UBR2: variants seen among roughly 807,000 people sequenced by gnomAD.
UBR2 encodes E3 ubiquitin-protein ligase UBR2.
In UBR2, 92 loss-of-function variants were observed where a neutral mutation model predicts 247.9. That is an observed-to-expected ratio of 0.37 (90% CI 0.31 to 0.44). The LOEUF (loss-of-function observed/expected upper bound fraction) is 0.44. Among genes scored for constraint, UBR2 ranks in the 20% least tolerant of loss-of-function variants. The pLI, the probability that UBR2 is intolerant of heterozygous loss-of-function variation, is 1.00. For synonymous variants in UBR2, 672 were observed against 693.5 expected (o/e 0.97, Z 0.49); for missense variants, 1,613 against 2,112.6 (o/e 0.76, Z 4.64).
chr6:42,594,138 G>A, intron 3 of UBR2, 53 bp from the exon 4 acceptor site: 1 of 1,344,464 alleles, frequency 7.4e-7, no homozygotes. Context: ...TTTATTATCT[G>A]ATAGCCCTCA....
intron 15 of UBR2, among the ~76,000 whole-genome samples, chr6:42,640,004 G>T (rs112084225): frequency 0.015 from 2,251 of 152,268 alleles, 44 homozygotes; most frequent in African/African-American, 0.053. Flanking sequence ...CTCCAGCCGG[G>T]TGACAGAGCG....
At chr6:42,641,018 C>T (rs1796414885) in intron 16 of UBR2, among the ~76,000 whole-genome samples, 2 of 152,038 alleles carry the variant, frequency 1.3e-5, no homozygotes, top group Non-Finnish European at 2.9e-5. Context: ...TGCGAGCTAC[C>T]ATGCTCAGCC....
chr6:42,648,194 A>G (rs1259926004), intron 22 of UBR2, 24 bp downstream of exon 22: 2 of 1,603,698 alleles, frequency 1.2e-6, no homozygotes, highest in Non-Finnish European at 1.7e-6. Context: ...CTATTATTTC[A>G]CATTCTTTTT....
chr6:42,603,719 G>A lies in UBR2; in HGVS notation c.662+1G>A. 3 of 1,597,542 alleles carry A rather than the reference G, an allele frequency of 1.9e-6. No homozygotes were observed. Among genetic ancestry groups the A allele is most frequent in the Non-Finnish European group, 2.6e-6 (3 of 1,176,156 alleles). ...AATTGCCAGCAGATTTAGAGATGGT[G>A]TAAGTATAACCTGTTTATTCTTCAT... is the stretch of plus-strand genomic sequence containing the variant. On this transcript the variant is annotated splice_donor_variant, in intron 5 of 46. Coordinates refer to ENST00000372901, the MANE Select transcript of UBR2 (RefSeq NM_001363705.2). LOFTEE classifies it high-confidence loss of function.
intron 18 of UBR2, among the ~76,000 whole-genome samples, chr6:42,643,955 C>T (rs1034986859): frequency 1.3e-5 from 2 of 152,116 alleles, no homozygotes; most frequent in African/African-American, 2.4e-5. Context: ...GTCTGTGTTA[C>T]TGTGCTGGGT....
At chr6:42,642,790 G>A (rs570157710) in intron 18 of UBR2, among the ~76,000 whole-genome samples, 1 of 152,264 alleles carries the variant, frequency 6.6e-6, no homozygotes, top group South Asian at 2.1e-4. Context: ...ATACCTGAAA[G>A]CCATCCTTTC....
At chr6:42,583,923 G>A (rs537423508) in intron 2 of UBR2, among the ~76,000 whole-genome samples, 1 of 151,718 alleles carries the variant, frequency 6.6e-6, no homozygotes, top group South Asian at 2.1e-4. Flanking sequence ...TTGAGGTAGA[G>A]GTTAAGTTTC....
At position 42,676,039 on chromosome 6, in the gene UBR2, C is replaced by T; in HGVS notation, c.4252-17C>T. 1.9e-6 allele frequency: 3 copies of T among 1,600,824 alleles called. No individual in the cohort carries two copies. The highest frequency in any genetic ancestry group is 2.6e-6 in the Non-Finnish European group (3 of 1,175,802). On this transcript the variant is annotated splice_polypyrimidine_tract_variant and intron_variant, in intron 38 of 46. Transcript: ENST00000372901. ...AAGGAAAGGCGATCTGTCTGATGTC[C>T]TGTGTTTGGTGCCTAGGTGGGCTTG... is the stretch of plus-strand genomic sequence containing the variant.
chr6:42,682,373 A>G (rs1171788605), intron 42 of UBR2, among the ~76,000 whole-genome samples: 1 of 152,134 alleles, frequency 6.6e-6, no homozygotes, highest in Admixed American at 6.6e-5. Flanking sequence ...GCTACAGAAC[A>G]TTAGACTTTG....
In UBR2 at chr6:42,658,704, G is replaced by T; in HGVS notation, c.3122G>T (p.Arg1041Leu). The T allele has an allele frequency of 6.2e-7, 1 of 1,613,282 alleles. No individual in the cohort carries two copies. The highest frequency in any genetic ancestry group is 8.5e-7 in the Non-Finnish European group (1 of 1,179,822). Reference protein sequence around the residue: ...RKRKAEIARLRREKIMAQMSE... With the variant: ...RKRKAEIARLLREKIMAQMSE... ...AGAAAAGCAGAGATTGCCAGACTGC[G>T]CAGAGAAAAGATCATGGCTCAGATG... The change falls in exon 29 of 47, where the codon CGC becomes CTC. Residue 1041 changes from arginine to leucine, a missense_variant. This residue lies in a region of UBR2 where 1,524 missense variants were observed against 1,967.3 expected (regional missense o/e 0.77). Coordinates refer to ENST00000372901, the MANE Select transcript of UBR2 (RefSeq NM_001363705.2).
intron 39 of UBR2, 145 bp downstream of exon 39, chr6:42,676,336 T>G: frequency 1.1e-6 from 1 of 886,350 alleles, no homozygotes. Context: ...ATGAAAAGTT[T>G]TGAAACATTT....
rs368636846 is a variant in UBR2 at position 42,573,594 on chromosome 6, C to T, written c.79-140C>T. The stretch of plus-strand genomic sequence containing the variant: ...GCATTTTAATAGATTAAATTTCTAA[C>T]GTACGGTGGTGAGTGTTGTAAACAA... On this transcript the variant is annotated intron_variant, in intron 1 of 46. Coordinates refer to ENST00000372901, the MANE Select transcript of UBR2 (RefSeq NM_001363705.2). 4.4e-5 allele frequency: 39 copies of T among 887,352 alleles called. No homozygotes were observed. In the African/African-American group the frequency reaches 5.0e-4, roughly 11 times the overall value. The allele number at this position is 887,352 out of a possible 1,614,324, so 55.0% of individuals were successfully genotyped here.
At position 42,615,088 on chromosome 6, in the gene UBR2, T is replaced by G; in HGVS notation, c.1003T>G (p.Leu335Val). 1 of 1,613,292 alleles carries G rather than the reference T, an allele frequency of 6.2e-7. No individual in the cohort carries two copies. The highest frequency in any genetic ancestry group is 1.1e-5 in the South Asian group (1 of 90,888). ...IGYSDGLRRILCQVGLQEGPD... is the reference protein window; with the variant it reads ...IGYSDGLRRIVCQVGLQEGPD... ...ATTTAAAGATGGCCTTCGCCGGATT[T>G]TATGTCAAGTTGGTTTACAAGAAGG... The change falls in exon 9 of 47, where the codon TTA becomes GTA. Residue 335 changes from leucine (L) to valine (V), a missense_variant. Leu to Val is a conservative substitution (Grantham distance 32, BLOSUM62 1). Transcript: ENST00000372901.
rs759080429 is a variant in UBR2 at position 42,573,873 on chromosome 6, T to C, written c.218T>C (p.Met73Thr). The C allele has an allele frequency of 5.0e-6, 8 of 1,614,124 alleles. No homozygotes were observed. The East Asian group carries it at 1.8e-4, about 36-fold the overall frequency. The change falls in exon 2 of 47, where the codon ATG becomes ACG. Residue 73 changes from methionine (M) to threonine (T), a missense_variant. Coordinates refer to ENST00000372901, the MANE Select transcript of UBR2 (RefSeq NM_001363705.2). ...GCACAGCATGTTTTGTTGGGACCAA[T>C]GGAATGGTACCTTTGTGGTGAAGAT... ...MLAQHVLLGP[M>T]EWYLCGEDPA... is the part of the protein sequence containing the mutation.
Position 42,644,439 on chromosome 6 carries a change from A to ATC in UBR2, c.2221-30_2221-29dup, listed in dbSNP as rs1334644239. 2.5e-6 allele frequency: 4 copies of ATC among 1,606,678 alleles called. No individual in the cohort carries two copies. The South Asian group carries it at 4.4e-5, about 18-fold the overall frequency. Reference sequence around the variant, plus strand: ...GAGATTATGCAATATGCATATTCTTATCTCTGAACTTTATCTTCCCTCACT... The same window carrying ATC: ...GAGATTATGCAATATGCATATTCTTATCTCTCTGAACTTTATCTTCCCTCACT... On this transcript the variant is annotated intron_variant, in intron 19 of 46. Coordinates refer to ENST00000372901, the MANE Select transcript of UBR2 (RefSeq NM_001363705.2).
chr6:42,596,574 C>G (rs73440605), intron 4 of UBR2, among the ~76,000 whole-genome samples: 3,548 of 152,192 alleles, frequency 0.023, 126 homozygotes, highest in African/African-American at 0.08. Context: ...AAGGTAGAAA[C>G]AGCCCAAATG....
At chr6:42,651,722 C>T (rs1171661662) in intron 23 of UBR2, among the ~76,000 whole-genome samples, 1 of 152,036 alleles carries the variant, frequency 6.6e-6, no homozygotes, top group East Asian at 1.9e-4. Context: ...AACTCCTGAC[C>T]TCAGGTGATC....
At chr6:42,594,053 A>G in intron 3 of UBR2, 138 bp from the exon 4 acceptor site, 1 of 546,732 alleles carries the variant, frequency 1.8e-6, no homozygotes, top group Non-Finnish European at 3.2e-6. Flanking sequence ...GAGGTTTGGC[A>G]TTTTATCTAA....
At chr6:42,579,449 ACTATATCAAG>A in intron 2 of UBR2, among the ~76,000 whole-genome samples, 1 of 152,294 alleles carries the variant, frequency 6.6e-6, no homozygotes, top group Non-Finnish European at 1.5e-5. Context: ...ACATATCCAA[ACTATATCAAG>A]CTATTTCTTT....
Sources: allele counts gnomAD v4.1 joint callset (sites outside exome capture counted in the v4.1 genomes callset), GRCh38; gene constraint gnomAD v4.1.1; regional missense constraint gnomAD v4.1.1; transcripts MANE v1.5; gene names NCBI Gene and HGNC (gene_info 2026-07-23, HGNC 2026-07-21).